Variants in NOX4 observed in about 807,000 individuals in gnomAD.
The protein encoded by NOX4 is kidney oxidase-1.
In NOX4, 69 loss-of-function variants were observed where a neutral mutation model predicts 87.6. That is an observed-to-expected ratio of 0.79 (90% CI 0.65 to 0.96). The LOEUF (loss-of-function observed/expected upper bound fraction) is 0.96. Among genes scored for constraint, NOX4 ranks in the 40% least tolerant of loss-of-function variants. The pLI is 0.00. For missense variants in NOX4, 680 were observed against 681.5 expected, an observed-to-expected ratio of 1.00 and a Z score of 0.02; for synonymous variants, 275 against 238.2, an observed-to-expected ratio of 1.15 and a Z score of -1.42.
At chr11:89,570,396 C>T in the NOX4 span, among the ~76,000 whole-genome samples, 2 of 152,134 alleles carry the variant, frequency 1.3e-5, no homozygotes, top group African/African-American at 2.4e-5. Flanking sequence ...CTCTCAGGTA[C>T]TGTGTTTATT....
chr11:89,406,901 C>T (rs1161545702), intron 8 of NOX4, among the ~76,000 whole-genome samples: 1 of 151,846 alleles, frequency 6.6e-6, no homozygotes, highest in Non-Finnish European at 1.5e-5. Context: ...TTATAAAATT[C>T]CAGAAAGGCT....
chr11:89,498,541 A>C (rs960077281), upstream of NOX4, among the ~76,000 whole-genome samples: 2 of 152,150 alleles, frequency 1.3e-5, no homozygotes, highest in African/African-American at 4.8e-5. Flanking sequence ...TACGAATGAA[A>C]ATAGAAAAAC....
At chr11:89,428,782 C>T (rs1764304395) in intron 7 of NOX4, among the ~76,000 whole-genome samples, 1 of 152,150 alleles carries the variant, frequency 6.6e-6, no homozygotes, top group Non-Finnish European at 1.5e-5. Flanking sequence ...TATAACACCC[C>T]ACTGTCAACA....
At chr11:89,349,556 T>C (rs546137557) in intron 13 of NOX4, among the ~76,000 whole-genome samples, 1 of 152,216 alleles carries the variant, frequency 6.6e-6, no homozygotes, top group South Asian at 2.1e-4. Context: ...AGAAATGAGA[T>C]TGAGGTAGGA....
chr11:89,456,967 G>C (rs941667763), intron 2 of NOX4, among the ~76,000 whole-genome samples: 1 of 152,122 alleles, frequency 6.6e-6, no homozygotes, highest in Non-Finnish European at 1.5e-5. Flanking sequence ...GCCTCTCCTG[G>C]GTACAGCCTG....
At chr11:89,410,087 G>C (rs7107735) in intron 8 of NOX4, among the ~76,000 whole-genome samples, 2,051 of 151,812 alleles carry the variant, frequency 0.014, 46 homozygotes, top group African/African-American at 0.047. Flanking sequence ...TAAAATAAGA[G>C]GCATGGGTTT....
At chr11:89,468,570 A>T (rs1565329706) in intron 2 of NOX4, among the ~76,000 whole-genome samples, 2 of 152,216 alleles carry the variant, frequency 1.3e-5, no homozygotes. Context: ...TTTTCTTCAC[A>T]TGAATTTCCT....
At chr11:89,438,760 T>C (rs1454630016) in intron 6 of NOX4, among the ~76,000 whole-genome samples, 2 of 71,548 alleles carry the variant, frequency 2.8e-5, no homozygotes, top group Non-Finnish European at 4.8e-5. Flanking sequence ...ATATATAATA[T>C]AATATAATAT....
chr11:89,444,846 G>A (rs1472077739), intron 4 of NOX4, among the ~76,000 whole-genome samples: 1 of 152,038 alleles, frequency 6.6e-6, no homozygotes, highest in Non-Finnish European at 1.5e-5. Flanking sequence ...CAAAGGGCTC[G>A]ACTGACTTAG....
At chr11:89,556,800 G>A in the NOX4 span, 1 of 152,024 alleles carries the variant, frequency 6.6e-6, no homozygotes, top group Non-Finnish European at 1.5e-5. Context: ...TATCTCTGAG[G>A]GATGAATAAT....
the NOX4 span, among the ~76,000 whole-genome samples, chr11:89,525,882 T>A: frequency 6.6e-6 from 1 of 152,146 alleles, no homozygotes; most frequent in Non-Finnish European, 1.5e-5. Flanking sequence ...CAATTTAATA[T>A]TTTCTGTATT....
At chr11:89,373,838 C>A (rs1053971448) in intron 11 of NOX4, among the ~76,000 whole-genome samples, 2 of 151,862 alleles carry the variant, frequency 1.3e-5, no homozygotes, top group East Asian at 1.9e-4. Flanking sequence ...AAGGAAGAAA[C>A]AAAAACTAAT....
At chr11:89,429,116 A>G (rs1183499790) in intron 7 of NOX4, among the ~76,000 whole-genome samples, 1 of 152,236 alleles carries the variant, frequency 6.6e-6, no homozygotes, top group Non-Finnish European at 1.5e-5. Context: ...ACTACTGGGT[A>G]CATAACAAAA....
chr11:89,413,990 GTA>G (rs1464639561), intron 8 of NOX4, among the ~76,000 whole-genome samples: 1 of 151,928 alleles, frequency 6.6e-6, no homozygotes, highest in African/African-American at 2.4e-5. Context: ...GTGTATATAT[GTA>G]TATGTGTGTG....
intron 2 of NOX4, among the ~76,000 whole-genome samples, chr11:89,463,508 A>G (rs1945558551): frequency 6.6e-6 from 1 of 152,038 alleles, no homozygotes; most frequent in Admixed American, 6.6e-5. Context: ...CTGACTAAGA[A>G]TATGTGTAAG....
At chr11:89,334,392 T>A (rs1945610783) in intron 17 of NOX4, among the ~76,000 whole-genome samples, 1 of 151,750 alleles carries the variant, frequency 6.6e-6, no homozygotes, top group African/African-American at 2.4e-5. Flanking sequence ...AACTACTTCA[T>A]CAAGGGAAGG....
the NOX4 span, among the ~76,000 whole-genome samples, chr11:89,578,115 T>C: frequency 6.6e-6 from 1 of 151,992 alleles, no homozygotes; most frequent in Non-Finnish European, 1.5e-5. Context: ...TTTGGAAGTA[T>C]ATGCTTGGAA....
intron 2 of NOX4, among the ~76,000 whole-genome samples, chr11:89,467,307 C>T (rs1264871431): frequency 1.5e-5 from 2 of 135,114 alleles, no homozygotes; most frequent in Admixed American, 1.7e-4. Context: ...GGCCAGATCG[C>T]ACCATTGCAC....
chr11:89,381,602 G>A (rs1940288668), intron 11 of NOX4, among the ~76,000 whole-genome samples: 1 of 152,194 alleles, frequency 6.6e-6, no homozygotes, highest in Admixed American at 6.5e-5. Flanking sequence ...GCACCCAGGT[G>A]ATTAAAAAGC....
Sources: allele counts gnomAD v4.1 joint callset (sites outside exome capture counted in the v4.1 genomes callset), GRCh38; gene constraint gnomAD v4.1.1; transcripts MANE v1.5; gene names NCBI Gene and HGNC (gene_info 2026-07-23, HGNC 2026-07-21).